The following PKNOX2 variants were observed in gnomAD, a reference collection of about 807,000 sequenced individuals.
PKNOX2 encodes PBX/knotted 1 homeobox 2.
In PKNOX2, 14 loss-of-function variants were observed where a neutral mutation model predicts 53.1. The observed-to-expected ratio is 0.26, with a 90% CI of 0.17 to 0.41. The LOEUF (loss-of-function observed/expected upper bound fraction) is 0.41. Ranked by LOEUF, PKNOX2 falls within the 10% of genes least tolerant of loss-of-function variation. The pLI is 1.00. For synonymous variants in PKNOX2, 257 were observed against 242.8 expected (o/e 1.06, Z -0.54); for missense variants, 496 against 602.8 (o/e 0.82, Z 1.85).
intron 3 of PKNOX2, among the ~76,000 whole-genome samples, chr11:125,333,889 G>A (rs1041531867): frequency 5.3e-5 from 8 of 152,134 alleles, no homozygotes; most frequent in Non-Finnish European, 7.4e-5. Flanking sequence ...TCGGTTTGGG[G>A]AGCATTTACA....
intron 7 of PKNOX2, among the ~76,000 whole-genome samples, chr11:125,401,697 T>G (rs1175944157): frequency 6.6e-6 from 1 of 152,108 alleles, no homozygotes; most frequent in Non-Finnish European, 1.5e-5. Flanking sequence ...ACCGAGACTT[T>G]CAGTGCAGGA....
intron 1 of PKNOX2, among the ~76,000 whole-genome samples, chr11:125,224,640 A>C (rs1941526153): frequency 6.6e-6 from 1 of 152,246 alleles, no homozygotes; most frequent in African/African-American, 2.4e-5. Flanking sequence ...GAACAATTGG[A>C]AACAAATGCT....
chr11:125,328,922 G>A (rs1361058214), intron 2 of PKNOX2, among the ~76,000 whole-genome samples: 2 of 152,126 alleles, frequency 1.3e-5, no homozygotes, highest in Non-Finnish European at 2.9e-5. Context: ...GATGTAAATG[G>A]GTATGACCTT....
At chr11:125,189,747 C>G (rs1311112164) in intron 1 of PKNOX2, among the ~76,000 whole-genome samples, 1 of 151,726 alleles carries the variant, frequency 6.6e-6, no homozygotes. Flanking sequence ...ACCATCCTCC[C>G]ACCTGTCCCT....
At chr11:125,403,694 A>C (rs902163731) in intron 7 of PKNOX2, among the ~76,000 whole-genome samples, 4 of 152,174 alleles carry the variant, frequency 2.6e-5, no homozygotes, top group African/African-American at 9.7e-5. Context: ...CATGGGGAGA[A>C]GAATCAGGGG....
At chr11:125,382,656 A>G (rs1953333547) in intron 5 of PKNOX2, among the ~76,000 whole-genome samples, 1 of 152,228 alleles carries the variant, frequency 6.6e-6, no homozygotes, top group East Asian at 1.9e-4. Flanking sequence ...CTCTGCTTAA[A>G]TTACAGCCAC....
intron 2 of PKNOX2, among the ~76,000 whole-genome samples, chr11:125,259,980 G>A (rs1370834441): frequency 1.3e-5 from 2 of 151,388 alleles, no homozygotes; most frequent in Non-Finnish European, 2.9e-5. Flanking sequence ...GGGCTCAAGC[G>A]ATCCTCCTGC....
Position 125,422,823 on chromosome 11 carries a change from C to A in PKNOX2, c.937-6189C>A, listed in dbSNP as rs1956234797. Among the ~76,000 whole-genome samples the A allele has an allele frequency of 6.6e-6, 1 of 152,110 alleles. No individual in the cohort carries two copies. Among genetic ancestry groups the A allele is most frequent in the Admixed American group, 6.5e-5 (1 of 15,270 alleles). On this transcript the variant is annotated intron_variant, in intron 10 of 12. Transcript: ENST00000298282. The surrounding 1 kb of genome is among the most constrained non-coding windows in gnomAD (Gnocchi z 4.1). ...ATCATAGTACATGCAGGAAATAAAA[C>A]CCATTTGAAAAAATGAGCGTATTTG...
chr11:125,175,699 G>A (rs1955662665), intron 1 of PKNOX2, among the ~76,000 whole-genome samples: 1 of 152,176 alleles, frequency 6.6e-6, no homozygotes, highest in Admixed American at 6.5e-5. Context: ...ACAAGCAACA[G>A]GTATGGGTGT....
intron 5 of PKNOX2, among the ~76,000 whole-genome samples, chr11:125,368,494 G>C (rs751837330): frequency 6.6e-6 from 1 of 152,220 alleles, no homozygotes. Flanking sequence ...TATAGGAAGA[G>C]GGATAGGCAT....
chr11:125,298,779 C>A (rs112958767), intron 2 of PKNOX2, among the ~76,000 whole-genome samples: 5,471 of 152,212 alleles, frequency 0.036, 338 homozygotes, highest in African/African-American at 0.12. Context: ...TGGCTCGTGA[C>A]CTTGACGTAT....
chr11:125,197,559 G>T (rs2135384181), intron 1 of PKNOX2, among the ~76,000 whole-genome samples: 1 of 152,296 alleles, frequency 6.6e-6, no homozygotes, highest in African/African-American at 2.4e-5. Flanking sequence ...GCCTGTCAAG[G>T]CTCTCCTGGG....
chr11:125,173,606 A>G (rs1430141469), intron 1 of PKNOX2, among the ~76,000 whole-genome samples: 4 of 152,214 alleles, frequency 2.6e-5, no homozygotes, highest in African/African-American at 9.6e-5. Flanking sequence ...CAAAGTCTAG[A>G]AGATCTGTTT....
chr11:125,260,258 G>A (rs1171333460), intron 2 of PKNOX2, among the ~76,000 whole-genome samples: 1 of 152,070 alleles, frequency 6.6e-6, no homozygotes, highest in Non-Finnish European at 1.5e-5. Context: ...GAGTGTAGTG[G>A]CATAATCTCA....
chr11:125,273,734 G>A (rs550473372), intron 2 of PKNOX2, among the ~76,000 whole-genome samples: 4 of 152,312 alleles, frequency 2.6e-5, no homozygotes, highest in African/African-American at 9.6e-5. Flanking sequence ...TTGGCAAAAT[G>A]AGAAAGTTTG....
intron 2 of PKNOX2, among the ~76,000 whole-genome samples, chr11:125,244,753 G>C (rs1364633612): frequency 6.6e-6 from 1 of 152,218 alleles, no homozygotes; most frequent in African/African-American, 2.4e-5. Context: ...TATTACAGCG[G>C]GAAATTGGAA....
At chr11:125,238,860 T>G (rs758241804) in intron 2 of PKNOX2, among the ~76,000 whole-genome samples, 3 of 152,230 alleles carry the variant, frequency 2.0e-5, no homozygotes, top group Non-Finnish European at 4.4e-5. Flanking sequence ...AATGTTGGAT[T>G]TGAAGTACAA....
chr11:125,246,094 G>C (rs1943542328), intron 2 of PKNOX2, among the ~76,000 whole-genome samples: 1 of 152,174 alleles, frequency 6.6e-6, no homozygotes, highest in Non-Finnish European at 1.5e-5. Context: ...ATAGCCAGGA[G>C]GTGTCTTCAT....
intron 4 of PKNOX2, among the ~76,000 whole-genome samples, chr11:125,358,152 C>T (rs1951721104): frequency 6.6e-6 from 1 of 152,350 alleles, no homozygotes; most frequent in African/African-American, 2.4e-5. Context: ...ATCACCTGCA[C>T]ATCTCCAGCA....
Sources: gnomAD v4.1 joint callset for allele counts (sites outside exome capture counted in the v4.1 genomes callset) on GRCh38, gnomAD v4.1.1 for gene constraint, Gnocchi (gnomAD v3.1) non-coding constraint, MANE v1.5 for transcripts, NCBI Gene and HGNC (gene_info 2026-07-23, HGNC 2026-07-21) for gene names.